The following ZNF385D variants were observed in gnomAD, a reference collection of about 807,000 sequenced individuals.
ZNF385D encodes zinc finger protein 659.
A neutral mutation model predicts 35.8 loss-of-function variants in ZNF385D; 15 were observed. The observed-to-expected ratio is 0.42, with a 90% confidence interval of 0.28 to 0.64. The LOEUF (loss-of-function observed/expected upper bound fraction) is 0.64, where lower values mean the gene tolerates loss of function less well. Ranked by LOEUF, ZNF385D falls within the 30% of genes least tolerant of loss-of-function variation. The pLI is 0.23. For missense variants in ZNF385D, 474 were observed against 494.6 expected, an observed-to-expected ratio of 0.96 and a Z score of 0.39; for synonymous variants, 212 against 186.8, an observed-to-expected ratio of 1.13 and a Z score of -1.10.
At chr3:21,467,786 T>C (rs963146188) in intron 4 of ZNF385D, among the ~76,000 whole-genome samples, 1 of 152,178 alleles carries the variant, frequency 6.6e-6, no homozygotes, top group East Asian at 1.9e-4. Context: ...ACCTTCAAAA[T>C]GCTGGTTCTG....
intron 2 of ZNF385D, among the ~76,000 whole-genome samples, chr3:21,590,462 T>A (rs1456389817): frequency 6.6e-6 from 1 of 152,166 alleles, no homozygotes; most frequent in South Asian, 2.1e-4. Flanking sequence ...CTTTGTATAT[T>A]TGTATACATC....
At chr3:22,296,544 G>A (rs879181919) in intron 2 of ZNF385D, among the ~76,000 whole-genome samples, 3 of 152,112 alleles carry the variant, frequency 2.0e-5, no homozygotes, top group Admixed American at 2.0e-4. Flanking sequence ...CGAAGATTTG[G>A]CACCTATGAA....
chr3:22,263,058 T>C (rs914990362), intron 2 of ZNF385D, among the ~76,000 whole-genome samples: 2 of 151,992 alleles, frequency 1.3e-5, no homozygotes, highest in Non-Finnish European at 2.9e-5. Flanking sequence ...TCACCCCCAG[T>C]TCCAGTTACC....
chr3:22,353,254 T>C lies in ZNF385D; in HGVS notation c.106+19196A>G, dbSNP rs116188676. On this transcript the variant is annotated intron_variant, in intron 2 of 5. Transcript: ENST00000494108. ...CTATTAGAAAAATGGGGCCATTCAC[T>C]CATCTGTGCCATGCCAAGTAACAGA... 9.9e-3 allele frequency among the ~76,000 whole-genome samples: 1,506 copies of C among 152,280 alleles called. 12 individuals carry two copies. The highest frequency in any genetic ancestry group is 0.017 in the Middle Eastern group (5 of 294).
chr3:22,295,908 C>T (rs1438029873), intron 2 of ZNF385D, among the ~76,000 whole-genome samples: 2 of 152,002 alleles, frequency 1.3e-5, no homozygotes, highest in Admixed American at 6.6e-5. Context: ...TTGAAAGAAA[C>T]TGAGATTTCT....
At chr3:22,130,340 T>A (rs1259879571) in intron 3 of ZNF385D, among the ~76,000 whole-genome samples, 1 of 152,094 alleles carries the variant, frequency 6.6e-6, no homozygotes, top group Admixed American at 6.6e-5. Flanking sequence ...TCCAATGGCT[T>A]CAAACCCAGC....
At chr3:21,917,959 A>G (rs900167345) in intron 3 of ZNF385D, among the ~76,000 whole-genome samples, 12 of 152,336 alleles carry the variant, frequency 7.9e-5, no homozygotes, top group Middle Eastern at 3.4e-3. Context: ...GATATAAAAT[A>G]CTTGCTATGT....
intron 3 of ZNF385D, among the ~76,000 whole-genome samples, chr3:21,548,379 G>C (rs997649570): frequency 2.0e-5 from 3 of 152,102 alleles, no homozygotes; most frequent in African/African-American, 7.2e-5. Flanking sequence ...AGCCTTCCTA[G>C]CATTAATGCC....
At chr3:22,071,197 G>C (rs912728106) in intron 3 of ZNF385D, among the ~76,000 whole-genome samples, 4 of 152,104 alleles carry the variant, frequency 2.6e-5, no homozygotes, top group African/African-American at 9.7e-5. Context: ...CTCTTTAAAA[G>C]CTAAATTCAT....
rs147528963 is a variant in ZNF385D at position 21,608,915 on chromosome 3, C to T, written c.166-44231G>A. ...ATATCAGTGTATTCAGATGATGAGA[C>T]TTCACTGACACAAGGAGGAAAAAAA... On this transcript the variant is annotated intron_variant, in intron 2 of 7. Coordinates refer to ENST00000281523, the MANE Select transcript of ZNF385D (RefSeq NM_024697.3). 5.9e-5 allele frequency among the ~76,000 whole-genome samples: 9 copies of T among 152,242 alleles called. No individual in the cohort carries two copies. The East Asian group carries it at 1.7e-3, about 29-fold the overall frequency.
chr3:21,603,922 G>C (rs1384195482), intron 2 of ZNF385D, among the ~76,000 whole-genome samples: 2 of 152,130 alleles, frequency 1.3e-5, no homozygotes, highest in Non-Finnish European at 2.9e-5. Flanking sequence ...AATGAAATAG[G>C]AGTAGAAGTA....
At chr3:21,458,986 T>C (rs1341673681) in intron 4 of ZNF385D, among the ~76,000 whole-genome samples, 1 of 152,228 alleles carries the variant, frequency 6.6e-6, no homozygotes, top group Non-Finnish European at 1.5e-5. Flanking sequence ...TAAAAAGTAA[T>C]ACGTTGTGAA....
At chr3:21,923,918 C>G (rs1389255271) in intron 3 of ZNF385D, among the ~76,000 whole-genome samples, 2 of 152,120 alleles carry the variant, frequency 1.3e-5, no homozygotes, top group Non-Finnish European at 2.9e-5. Context: ...TGTAACAAAC[C>G]TGCACGTGTA....
At chr3:22,071,755 C>T (rs1559346881) in intron 3 of ZNF385D, among the ~76,000 whole-genome samples, 1 of 152,060 alleles carries the variant, frequency 6.6e-6, no homozygotes, top group Non-Finnish European at 1.5e-5. Flanking sequence ...TCTATGGACA[C>T]CAACAAGATT....
rs975797632 is a variant in ZNF385D at position 21,806,572 on chromosome 3, T to C, written c.326-141544A>G. On this transcript the variant is annotated intron_variant, in intron 3 of 5. Transcript: ENST00000494108. Reference sequence around the variant, plus strand: ...ATACGTGAAACCAGTGCAATTTTTATATAAAGAAATAGAGTAGAATGTCAT... The same window carrying C: ...ATACGTGAAACCAGTGCAATTTTTACATAAAGAAATAGAGTAGAATGTCAT... Among the ~76,000 whole-genome samples, 5 of 152,310 alleles carry C rather than the reference T, an allele frequency of 3.3e-5. No individual in the cohort carries two copies. The South Asian group carries it at 6.2e-4, about 19-fold the overall frequency.
chr3:21,832,169 T>C (rs749541835), intron 3 of ZNF385D, among the ~76,000 whole-genome samples: 21 of 152,192 alleles, frequency 1.4e-4, no homozygotes, highest in Non-Finnish European at 2.5e-4. Context: ...ATACTCACTA[T>C]GTTAATAAAC....
chr3:21,560,873 T>C (rs2062919514), intron 3 of ZNF385D, among the ~76,000 whole-genome samples: 1 of 152,156 alleles, frequency 6.6e-6, no homozygotes, highest in Non-Finnish European at 1.5e-5. Context: ...AGAGACAGTC[T>C]GGCCACAGGG....
intron 1 of ZNF385D, among the ~76,000 whole-genome samples, chr3:21,694,487 C>G (rs1391028648): frequency 3.3e-5 from 5 of 152,176 alleles, no homozygotes; most frequent in Non-Finnish European, 7.3e-5. Flanking sequence ...TCTGCTTTCT[C>G]TCAGCCCTCT....
At chr3:21,774,033 T>C (rs1022063269) in intron 3 of ZNF385D, among the ~76,000 whole-genome samples, 3 of 152,000 alleles carry the variant, frequency 2.0e-5, no homozygotes, top group African/African-American at 7.2e-5. Flanking sequence ...TGCCCATCAA[T>C]GATAGACTGC....
Sources: gnomAD v4.1 joint callset for allele counts (sites outside exome capture counted in the v4.1 genomes callset) on GRCh38, gnomAD v4.1.1 for gene constraint, MANE v1.5 for transcripts, NCBI Gene and HGNC (gene_info 2026-07-23, HGNC 2026-07-21) for gene names.